Variants in ZNF492 observed in about 807,000 individuals in gnomAD.
The protein encoded by ZNF492 is zinc finger protein 492.
Under a neutral mutation model 6.4 loss-of-function variants are expected in ZNF492, and 3 were observed. The observed-to-expected ratio is 0.47, with a 90% CI of 0.21 to 1.22. The LOEUF (loss-of-function observed/expected upper bound fraction) is 1.22. Ranked by LOEUF, ZNF492 falls within the 50% of genes most tolerant of loss-of-function variation. The pLI is 0.22. For missense variants in ZNF492, 356 were observed against 612.5 expected (o/e 0.58, Z 4.42); for synonymous variants, 112 against 205.3 (o/e 0.55, Z 3.89).
intron 1 of ZNF492, among the ~76,000 whole-genome samples, chr19:22,649,486 T>C (rs1971917881): frequency 6.6e-6 from 1 of 152,192 alleles, no homozygotes; most frequent in Non-Finnish European, 1.5e-5. Flanking sequence ...CTTGCTAAAC[T>C]GGGGAAGTTC....
chr19:22,637,657 G>A (rs1463216730), intron 1 of ZNF492, among the ~76,000 whole-genome samples: 2 of 152,200 alleles, frequency 1.3e-5, no homozygotes, highest in East Asian at 3.9e-4. Context: ...CCATGTCTTT[G>A]CTTTCATGAA....
intron 3 of ZNF492, among the ~76,000 whole-genome samples, chr19:22,659,664 G>GTTTTTTTTTTTTT (rs1568356633): frequency 7.9e-6 from 1 of 126,932 alleles, no homozygotes. Context: ...GTTTTTTTTT[G>GTTTTTTTTTTTTT]TTGTTTTTTT....
rs758749729 is a variant in ZNF492 at position 22,665,069 on chromosome 19, A to G, written c.1400A>G (p.His467Arg). 1.7e-4 allele frequency: 269 copies of G among 1,606,828 alleles called. 1 individual carries two copies. The highest frequency in any genetic ancestry group is 1.8e-4 in the Non-Finnish European group (216 of 1,179,300). ...AACCAGTCCTCACACCTTACTACAC[A>G]TAAGATGATTCATACTGGAGAGAAA... ...AFNQSSHLTT[H>R]KMIHTGEKPY... Residue 467 changes from histidine (H) to arginine (R), a missense_variant, in exon 4 of 4, where the codon CAT becomes CGT. This residue lies in a region of ZNF492 where 81 missense variants were observed against 115.4 expected (regional missense o/e 0.70). Coordinates refer to ENST00000456783, the MANE Select transcript of ZNF492 (RefSeq NM_020855.3).
At chr19:22,639,864 T>C in intron 1 of ZNF492, among the ~76,000 whole-genome samples, 1 of 151,698 alleles carries the variant, frequency 6.6e-6, no homozygotes, top group East Asian at 1.9e-4. Context: ...GCCTAATTGC[T>C]CTAGCCAGGA....
In ZNF492 at chr19:22,667,650, T is replaced by G. The variant is rs1283887340; in HGVS notation, c.*2385T>G. The G allele has an allele frequency of 6.6e-6, 1 of 151,954 alleles. No individual in the cohort carries two copies. The highest frequency in any genetic ancestry group is 2.4e-5 in the African/African-American group (1 of 41,430). The allele number at this position is 151,954 out of a possible 1,614,324, so 9.4% of individuals were successfully genotyped here. On this transcript the variant is annotated 3_prime_UTR_variant, in exon 4 of 4. Coordinates refer to ENST00000456783, the MANE Select transcript of ZNF492 (RefSeq NM_020855.3). The stretch of plus-strand genomic sequence containing the variant: ...AATTTACACATTTCTGAGTCCTGAA[T>G]AAATAAAAATAATTTCTTGTATATT...
intron 3 of ZNF492, among the ~76,000 whole-genome samples, chr19:22,654,897 G>A (rs1212716532): frequency 1.3e-5 from 2 of 150,792 alleles, no homozygotes; most frequent in African/African-American, 4.9e-5. Context: ...CACCGTGCCT[G>A]ACTGAGAATT....
At chr19:22,660,532 T>A (rs2053629874) in intron 3 of ZNF492, among the ~76,000 whole-genome samples, 1 of 150,818 alleles carries the variant, frequency 6.6e-6, no homozygotes, top group Admixed American at 6.6e-5. Context: ...CCTCATTACA[T>A]CTGCCCTGAA....
rs1182559622 is a variant in ZNF492, at chr19:22,664,346, A to G, written c.677A>G (p.Lys226Arg). Residue 226 changes from lysine (K) to arginine (R), a missense_variant, in exon 4 of 4, where the codon AAA becomes AGA. Physicochemically the swap from Lys to Arg is conservative, Grantham distance 26 (BLOSUM62 2). This residue lies in a region of ZNF492 where 21 missense variants were observed against 43.4 expected (regional missense o/e 0.48). Transcript: ENST00000456783. ...KIIHTGKKPY[K>R]CEECGKAFNQ... Reference sequence around the variant, plus strand: ...ATTCATACTGGAAAGAAACCCTACAAATGTGAGGAGTGTGGCAAAGCTTTT... The same window carrying G: ...ATTCATACTGGAAAGAAACCCTACAGATGTGAGGAGTGTGGCAAAGCTTTT... 5.8e-6 allele frequency: 9 copies of G among 1,554,608 alleles called. No homozygotes were observed. Among genetic ancestry groups the G allele is most frequent in the Non-Finnish European group, 7.8e-6 (9 of 1,149,872 alleles).
Position 22,664,062 on chromosome 19 carries a change from T to A in ZNF492, c.393T>A (p.His131Gln). ...VFHKFSNSNR[H>Q]TIRHTGKKSF... ...ATAAATTTTCAAATTCAAACAGACA[T>A]ACGATAAGACATACTGGAAAGAAAT... is the stretch of plus-strand genomic sequence containing the variant. The change falls in exon 4 of 4, where the codon CAT becomes CAA. Residue 131 changes from histidine (H) to glutamine (Q), a missense_variant. His to Gln is a conservative substitution (Grantham distance 24, BLOSUM62 0). Around this residue, in one of 7 missense-constraint regions of ZNF492, gnomAD observed 196 missense variants for 219.4 expected, o/e 0.89. Coordinates refer to ENST00000456783, the MANE Select transcript of ZNF492 (RefSeq NM_020855.3). The A allele has an allele frequency of 6.2e-7, 1 of 1,603,508 alleles. No homozygotes were observed. The highest frequency in any genetic ancestry group is 1.1e-5 in the South Asian group (1 of 90,192).
rs1971949294 is a variant in ZNF492, at chr19:22,652,372, C to G, written c.-93-935C>G. ...ACTCCCGAGTAGCTGGGACTACAGG[C>G]GCCCGCCACCTTAGGTTTTCTTTGC... On this transcript the variant is annotated intron_variant, in intron 1 of 3. Transcript: ENST00000456783. Among the ~76,000 whole-genome samples, 3 of 119,836 alleles carry G rather than the reference C, an allele frequency of 2.5e-5. 1 individual carries two copies. The highest frequency in any genetic ancestry group is 1.2e-4 in the African/African-American group (3 of 24,358). The allele number at this position is 119,836 out of a possible 152,430, so 78.6% of individuals were successfully genotyped here.
chr19:22,654,103 T>G, intron 3 of ZNF492, 88 bp downstream of exon 3: 1 of 1,412,286 alleles, frequency 7.1e-7, no homozygotes, highest in South Asian at 1.6e-5. Context: ...TAAAATGATT[T>G]GAAATCTGTG....
chr19:22,649,032 GGTC>G (rs1338825896), intron 1 of ZNF492, among the ~76,000 whole-genome samples: 1 of 152,128 alleles, frequency 6.6e-6, no homozygotes, highest in East Asian at 1.9e-4. Flanking sequence ...TAGTGTCATT[GGTC>G]TTCATGGTGT....
In ZNF492 at chr19:22,649,287, C is replaced by T. The variant is rs192145774; in HGVS notation, c.-93-4020C>T. ...TGTCATCTGGTTTGTAGGATTTCTGCTGAGAGGTCCACTGTTAGTCTGATG... is the reference window on the plus strand; with the variant it reads ...TGTCATCTGGTTTGTAGGATTTCTGTTGAGAGGTCCACTGTTAGTCTGATG... On this transcript the variant is annotated intron_variant, in intron 1 of 3. Coordinates refer to ENST00000456783, the MANE Select transcript of ZNF492 (RefSeq NM_020855.3). Among the ~76,000 whole-genome samples, 250 of 152,278 alleles carry T rather than the reference C, an allele frequency of 1.6e-3. 2 individuals are homozygous for T. Among genetic ancestry groups the T allele is most frequent in the East Asian group, 9.7e-3 (50 of 5,174 alleles).
intron 3 of ZNF492, among the ~76,000 whole-genome samples, chr19:22,656,723 G>C (rs901556860): frequency 6.6e-6 from 1 of 152,072 alleles, no homozygotes; most frequent in East Asian, 1.9e-4. Context: ...CCATTTTCTG[G>C]TCTGTAGCCA....
In ZNF492 at chr19:22,652,834, C is replaced by T. The variant is rs1236147728; in HGVS notation, c.-93-473C>T. ...GACCTCGTGATCCACCCGCCTTAGC[C>T]TCCCAAAGTGCTGGGATTACAGGCG... On this transcript the variant is annotated intron_variant, in intron 1 of 3. Transcript: ENST00000456783. 4.6e-5 allele frequency among the ~76,000 whole-genome samples: 7 copies of T among 152,262 alleles called. No homozygotes were observed. The East Asian group carries it at 1.2e-3, about 25-fold the overall frequency.
intron 1 of ZNF492, among the ~76,000 whole-genome samples, chr19:22,644,669 A>T (rs1228251745): frequency 6.6e-6 from 1 of 152,116 alleles, no homozygotes; most frequent in Non-Finnish European, 1.5e-5. Context: ...TGCTGTTGTA[A>T]ATAGTGCTGC....
chr19:22,641,944 C>CCA (rs1319070253), intron 1 of ZNF492, among the ~76,000 whole-genome samples: 2 of 152,114 alleles, frequency 1.3e-5, no homozygotes, highest in Non-Finnish European at 2.9e-5. Context: ...CAGGCGCCTG[C>CCA]CACCATGCCC....
Position 22,667,320 on chromosome 19 carries a change from A to G in ZNF492, c.*2055A>G, listed in dbSNP as rs1020782724. 1 of 152,204 alleles carries G rather than the reference A, an allele frequency of 6.6e-6. No homozygotes were observed. The highest frequency in any genetic ancestry group is 2.4e-5 in the African/African-American group (1 of 41,454). The allele number at this position is 152,204 out of a possible 1,614,324, so 9.4% of individuals were successfully genotyped here. A position where few individuals can be genotyped will look rare whatever the true frequency, so the allele number is the denominator to read the frequency against. On this transcript the variant is annotated 3_prime_UTR_variant, in exon 4 of 4. Transcript: ENST00000456783. The stretch of plus-strand genomic sequence containing the variant: ...CATCTGTAGTACTAATCTTTTTTCC[A>G]GTGGCTTTAAACTGCAAATAAGGAA...
chr19:22,651,934 G>A (rs971643030), intron 1 of ZNF492, among the ~76,000 whole-genome samples: 2 of 152,156 alleles, frequency 1.3e-5, no homozygotes, highest in Non-Finnish European at 2.9e-5. Context: ...GAACATGGCA[G>A]ATATTGGTAT....
Sources: allele counts gnomAD v4.1 joint callset (sites outside exome capture counted in the v4.1 genomes callset), GRCh38; gene constraint gnomAD v4.1.1; regional missense constraint gnomAD v4.1.1; transcripts MANE v1.5; gene names NCBI Gene and HGNC (gene_info 2026-07-23, HGNC 2026-07-21).